Variants in CCDC83 observed in about 807,000 individuals in gnomAD.
CCDC83 encodes coiled-coil domain containing 83, also known as coiled-coil domain-containing protein 83.
CCDC83 carries 54 observed loss-of-function variants against 50.1 expected under a neutral mutation model. The observed-to-expected ratio is 1.08, with a 90% CI of 0.87 to 1.35. The LOEUF is 1.35. Among genes scored for constraint, CCDC83 ranks in the 40% most tolerant of loss-of-function variants. The pLI is 0.00. For synonymous variants in CCDC83, 161 were observed against 153.3 expected (o/e 1.05, Z -0.37); for missense variants, 518 against 473.9 (o/e 1.09, Z -0.86).
At position 85,919,701 on chromosome 11, in the gene CCDC83, C is replaced by T. The variant is rs756029441; in HGVS notation, c.*191C>T. On this transcript the variant is annotated 3_prime_UTR_variant, in exon 11 of 11. Transcript: ENST00000342404. Reference sequence around the variant, plus strand: ...ACTTGCATGGTATGAGTGACCAAAACGGAAGCACGCTTTGTATTTCTACAC... The same window carrying T: ...ACTTGCATGGTATGAGTGACCAAAATGGAAGCACGCTTTGTATTTCTACAC... The T allele has an allele frequency of 1.2e-4, 67 of 538,832 alleles. No homozygotes were observed. The highest frequency in any genetic ancestry group is 4.8e-4 in the Middle Eastern group (1 of 2,076). The allele number at this position is 538,832 out of a possible 1,614,324, so 33.4% of individuals were successfully genotyped here.
intron 1 of CCDC83, among the ~76,000 whole-genome samples, chr11:85,856,588 TCTTTGGGTACTG>T: frequency 6.6e-6 from 1 of 152,174 alleles, no homozygotes; most frequent in South Asian, 2.1e-4. Context: ...GACTCCAATA[TCTTTGGGTACTG>T]CAGTAGAAAA....
At position 85,916,196 on chromosome 11, in the gene CCDC83, T is replaced by C; in HGVS notation, c.1043T>C (p.Met348Thr). The C allele has an allele frequency of 1.9e-6, 3 of 1,612,930 alleles. No individual in the cohort carries two copies. Among genetic ancestry groups the C allele is most frequent in the Non-Finnish European group, 2.5e-6 (3 of 1,179,262 alleles). ...GGCACAGAGTTTGGGGACACTGATA[T>C]GAAGTACTTACTATATGAGGATGAG... ...NSGTEFGDTD[M>T]KYLLYEDEKD... The change falls in exon 10 of 11, where the codon ATG becomes ACG. Residue 348 changes from methionine (M) to threonine (T), a missense_variant. Coordinates refer to ENST00000342404, the MANE Select transcript of CCDC83 (RefSeq NM_001286159.2).
chr11:85,909,014 A>C (rs538251470), intron 7 of CCDC83, among the ~76,000 whole-genome samples: 67 of 152,284 alleles, frequency 4.4e-4, no homozygotes, highest in African/African-American at 1.5e-3. Context: ...GCTCACTGTA[A>C]CATTGAACTT....
chr11:85,896,545 G>C (rs1425421900), intron 6 of CCDC83, among the ~76,000 whole-genome samples: 1 of 151,522 alleles, frequency 6.6e-6, no homozygotes, highest in African/African-American at 2.4e-5. Flanking sequence ...TGCTCAACCT[G>C]TGATAATGGT....
At chr11:85,857,155 A>G (rs371031988) in intron 1 of CCDC83, among the ~76,000 whole-genome samples, 7 of 152,124 alleles carry the variant, frequency 4.6e-5, no homozygotes, top group African/African-American at 1.4e-4. Context: ...AGCCCTGGAT[A>G]TTGTGGAGAA....
At chr11:85,912,719 C>G (rs1382410219) in intron 8 of CCDC83, 1 of 1,609,440 alleles carries the variant, frequency 6.2e-7, no homozygotes, top group Admixed American at 1.7e-5. Context: ...GGAATCATGT[C>G]TAATCTCTGC....
At chr11:85,871,096 G>C (rs1205867112) in intron 2 of CCDC83, among the ~76,000 whole-genome samples, 1 of 152,172 alleles carries the variant, frequency 6.6e-6, no homozygotes, top group East Asian at 1.9e-4. Flanking sequence ...GAACCTGGGA[G>C]GGGGAGTTTG....
chr11:85,901,528 G>A (rs2093401890), intron 7 of CCDC83, among the ~76,000 whole-genome samples: 1 of 150,348 alleles, frequency 6.7e-6, no homozygotes, highest in Non-Finnish European at 1.5e-5. Context: ...AGCTGTGATT[G>A]AGCCACTGCA....
chr11:85,917,196 A>AAG (rs761555822), intron 10 of CCDC83, among the ~76,000 whole-genome samples: 19 of 112,626 alleles, frequency 1.7e-4, no homozygotes, highest in South Asian at 2.6e-4. Context: ...AAGAAAGAGA[A>AAG]AGAAAGAAAG....
chr11:85,876,874 A>T (rs1344909784), intron 3 of CCDC83, among the ~76,000 whole-genome samples: 1 of 152,212 alleles, frequency 6.6e-6, no homozygotes, highest in Non-Finnish European at 1.5e-5. Context: ...ATGAAAACAA[A>T]ATCAATCTTT....
intron 3 of CCDC83, among the ~76,000 whole-genome samples, chr11:85,876,697 G>C (rs933405337): frequency 6.6e-6 from 1 of 152,212 alleles, no homozygotes; most frequent in South Asian, 2.1e-4. Context: ...TAGAGACAGG[G>C]TTTCACCGTG....
intron 1 of CCDC83, among the ~76,000 whole-genome samples, chr11:85,857,558 T>C (rs567408080): frequency 6.6e-6 from 1 of 152,282 alleles, no homozygotes; most frequent in East Asian, 1.9e-4. Context: ...GAGACCATGA[T>C]TGGGGTCCAC....
chr11:85,858,794 A>G (rs573973378), intron 1 of CCDC83, among the ~76,000 whole-genome samples: 1 of 152,300 alleles, frequency 6.6e-6, no homozygotes, highest in South Asian at 2.1e-4. Context: ...ACCTCAGCCC[A>G]TGACAGAAAA....
intron 7 of CCDC83, among the ~76,000 whole-genome samples, chr11:85,903,141 G>A (rs1049956800): frequency 3.9e-5 from 6 of 152,000 alleles, no homozygotes; most frequent in Admixed American, 1.3e-4. Flanking sequence ...GCTGAGGCAG[G>A]AGAATCGCTT....
chr11:85,917,739 C>G (rs1295917192), intron 10 of CCDC83, among the ~76,000 whole-genome samples: 1 of 152,148 alleles, frequency 6.6e-6, no homozygotes, highest in Non-Finnish European at 1.5e-5. Context: ...AATCCTGCTG[C>G]CATCAAGCGA....
intron 4 of CCDC83, among the ~76,000 whole-genome samples, chr11:85,884,163 G>A (rs1191356912): frequency 1.3e-5 from 2 of 152,096 alleles, no homozygotes; most frequent in Non-Finnish European, 2.9e-5. Flanking sequence ...TACAAGACTG[G>A]GCCACACGGC....
chr11:85,877,271 G>A (rs1173073289), intron 3 of CCDC83, among the ~76,000 whole-genome samples: 1 of 152,150 alleles, frequency 6.6e-6, no homozygotes, highest in African/African-American at 2.4e-5. Flanking sequence ...GGTGTTTTGA[G>A]ACCAGCCTGG....
chr11:85,872,227 G>A (rs7925883), intron 2 of CCDC83, among the ~76,000 whole-genome samples: 17,296 of 152,116 alleles, frequency 0.11, 1,952 homozygotes, highest in African/African-American at 0.3. Context: ...GCTCACACCT[G>A]TAACCCCAGC....
At chr11:85,861,926 T>A (rs1343331683) in intron 1 of CCDC83, among the ~76,000 whole-genome samples, 1 of 149,620 alleles carries the variant, frequency 6.7e-6, no homozygotes, top group Non-Finnish European at 1.5e-5. Flanking sequence ...GAGGATGACT[T>A]GCACCTGGGA....
Sources: gnomAD v4.1 joint callset for allele counts (sites outside exome capture counted in the v4.1 genomes callset) on GRCh38, gnomAD v4.1.1 for gene constraint, MANE v1.5 for transcripts, NCBI Gene and HGNC (gene_info 2026-07-23, HGNC 2026-07-21) for gene names.